The following TAX1BP1 variants were observed in gnomAD, a reference collection of about 807,000 sequenced individuals.
TAX1BP1 encodes the protein Tax1 binding protein 1.
In TAX1BP1, 62 loss-of-function variants were observed where a neutral mutation model predicts 97.7. The observed-to-expected ratio is 0.63, with a 90% CI of 0.52 to 0.78. TAX1BP1 has a LOEUF of 0.78. Among genes scored for constraint, TAX1BP1 ranks in the 30% least tolerant of loss-of-function variants. The pLI is 0.00. For missense variants in TAX1BP1, 867 were observed against 916.1 expected (o/e 0.95, Z 0.69); for synonymous variants, 340 against 304.2 (o/e 1.12, Z -1.23).
chr7:27,771,662 C>A (rs1384693780), intron 5 of TAX1BP1, among the ~76,000 whole-genome samples: 2 of 151,906 alleles, frequency 1.3e-5, no homozygotes, highest in Non-Finnish European at 2.9e-5. Context: ...ACATTGTGGC[C>A]TTGGTGCTCA....
At chr7:27,793,807 A>T (rs1380777465) in intron 10 of TAX1BP1, among the ~76,000 whole-genome samples, 1 of 152,202 alleles carries the variant, frequency 6.6e-6, no homozygotes, top group East Asian at 1.9e-4. Flanking sequence ...CTATCTGAGG[A>T]ACTCCTGGAA....
intron 3 of TAX1BP1, among the ~76,000 whole-genome samples, chr7:27,760,980 G>A (rs1788405934): frequency 6.6e-6 from 1 of 152,158 alleles, no homozygotes; most frequent in Non-Finnish European, 1.5e-5. Context: ...AGAAGTTTGG[G>A]AACCAGTGGC....
At chr7:27,810,701 T>A (rs901210996) in intron 13 of TAX1BP1, among the ~76,000 whole-genome samples, 2 of 152,128 alleles carry the variant, frequency 1.3e-5, no homozygotes, top group Non-Finnish European at 2.9e-5. Flanking sequence ...TATGTTGCTC[T>A]CTAACTCCTG....
chr7:27,807,207 A>G (rs1297667081), intron 13 of TAX1BP1, among the ~76,000 whole-genome samples: 1 of 152,194 alleles, frequency 6.6e-6, no homozygotes, highest in African/African-American at 2.4e-5. Context: ...CAGTCCCTGC[A>G]TATTGTATCC....
intron 12 of TAX1BP1, among the ~76,000 whole-genome samples, chr7:27,796,659 C>T (rs960864698): frequency 6.6e-6 from 1 of 152,028 alleles, no homozygotes; most frequent in Non-Finnish European, 1.5e-5. Context: ...GCCAGGAGTT[C>T]GAGACCAGTC....
chr7:27,786,941 A>C (rs1338322723), intron 7 of TAX1BP1, among the ~76,000 whole-genome samples: 1 of 152,252 alleles, frequency 6.6e-6, no homozygotes, highest in African/African-American at 2.4e-5. Context: ...GTTAGTCAAC[A>C]AATACATTTT....
chr7:27,803,114 A>T, intron 13 of TAX1BP1: 2 of 1,545,618 alleles, frequency 1.3e-6, no homozygotes, highest in African/African-American at 2.7e-5. Context: ...TTCAGCTTCA[A>T]TTGGCAGAGA....
chr7:27,810,424 G>T (rs1185841568), intron 13 of TAX1BP1, among the ~76,000 whole-genome samples: 2 of 151,984 alleles, frequency 1.3e-5, no homozygotes, highest in Admixed American at 1.3e-4. Context: ...AATTCTTTAG[G>T]GTTATTAGTG....
intron 4 of TAX1BP1, 123 bp from the exon 5 acceptor site, chr7:27,769,553 G>A: frequency 2.7e-6 from 2 of 733,370 alleles, no homozygotes; most frequent in Non-Finnish European, 4.4e-6. Context: ...AAAGTAGGTA[G>A]AATGTAAGAG....
intron 2 of TAX1BP1, among the ~76,000 whole-genome samples, chr7:27,756,272 A>G (rs756108985): frequency 6.6e-6 from 1 of 152,172 alleles, no homozygotes; most frequent in Non-Finnish European, 1.5e-5. Flanking sequence ...GTATCTTTCC[A>G]GGTTGAGAGA....
chr7:27,766,021 G>T lies in TAX1BP1; in HGVS notation c.453G>T (p.Glu151Asp). 4 of 1,612,938 alleles carry T rather than the reference G, an allele frequency of 2.5e-6. No homozygotes were observed. Among genetic ancestry groups the T allele is most frequent in the Non-Finnish European group, 3.4e-6 (4 of 1,179,514 alleles). Residue 151 changes from glutamate to aspartate, a missense_variant and splice_region_variant, in exon 4 of 17, where the codon GAG becomes GAT. By Grantham distance (45) the Glu-to-Asp change is conservative. Around this residue, in one of 3 missense-constraint regions of TAX1BP1, gnomAD observed 822 missense variants for 851.4 expected, o/e 0.97. Transcript: ENST00000396319. ...LVVTTKAGLL[E>D]LKIEKTMKEK... ...TGACCACAAAAGCAGGCCTTCTTGA[G>T]GTTGGTGTTCACAGTGAGATAGTGA...
At chr7:27,802,911 C>T (rs1790193576) in intron 13 of TAX1BP1, among the ~76,000 whole-genome samples, 1 of 151,842 alleles carries the variant, frequency 6.6e-6, no homozygotes, top group Non-Finnish European at 1.5e-5. Flanking sequence ...TCACATAAAC[C>T]AAAGGAATAG....
In TAX1BP1 at chr7:27,792,150, C is replaced by A; in HGVS notation, c.1183C>A (p.Arg395Ser). ...DRTMADLHTA[R>S]LENEKVKKQL... ...AACGATGGCAGACCTGCATACTGCACGCTTGGAAAACGAGAAAGTGAAAAA... is the reference window on the plus strand; with the variant it reads ...AACGATGGCAGACCTGCATACTGCAAGCTTGGAAAACGAGAAAGTGAAAAA... Residue 395 changes from arginine to serine, a missense_variant, in exon 9 of 17, where the codon CGC becomes AGC. Physicochemically the swap from Arg to Ser is moderately radical, Grantham distance 110 (BLOSUM62 -1). Transcript: ENST00000396319. 5 of 1,613,932 alleles carry A rather than the reference C, an allele frequency of 3.1e-6. No individual in the cohort carries two copies. The Admixed American group carries it at 8.3e-5, about 27-fold the overall frequency.
In TAX1BP1 at chr7:27,758,063, G is replaced by A. The variant is rs79805575; in HGVS notation, c.195G>A (p.Thr65=). ...VGWSTARDYY[T]FLWSPMPEHY... is the part of the protein sequence containing the mutation. ...GGAGTACTGCTCGTGATTATTACACGTTTTTATGGTCCCCTATGCCTGAAC... is the reference window on the plus strand; with the variant it reads ...GGAGTACTGCTCGTGATTATTACACATTTTTATGGTCCCCTATGCCTGAAC... The change falls in exon 3 of 17, where the codon ACG becomes ACA. Residue 65 remains threonine, a synonymous_variant. Coordinates refer to ENST00000396319, the MANE Select transcript of TAX1BP1 (RefSeq NM_006024.7). 1.4e-3 allele frequency: 2,274 copies of A among 1,611,712 alleles called. 12 individuals are homozygous for A. Among genetic ancestry groups the A allele is most frequent in the African/African-American group, 5.6e-3 (416 of 74,898 alleles).
chr7:27,740,622 A>C (rs1395505957), intron 1 of TAX1BP1, among the ~76,000 whole-genome samples: 2 of 152,068 alleles, frequency 1.3e-5, no homozygotes, highest in African/African-American at 4.8e-5. Context: ...CCCCGAAGGA[A>C]AAGCTTCTGG....
chr7:27,826,340 T>G (rs1791178285), intron 15 of TAX1BP1, among the ~76,000 whole-genome samples: 1 of 152,224 alleles, frequency 6.6e-6, no homozygotes, highest in Admixed American at 6.5e-5. Flanking sequence ...CTTCTTTTAC[T>G]TTTCAAGAGG....
intron 5 of TAX1BP1, among the ~76,000 whole-genome samples, chr7:27,776,510 A>T (rs1220505545): frequency 6.6e-6 from 1 of 152,054 alleles, no homozygotes; most frequent in Non-Finnish European, 1.5e-5. Flanking sequence ...ATTCAGTGTC[A>T]TTGGTATTTT....
At chr7:27,764,882 A>G (rs1788562940) in intron 3 of TAX1BP1, among the ~76,000 whole-genome samples, 3 of 149,596 alleles carry the variant, frequency 2.0e-5, no homozygotes, top group Non-Finnish European at 4.4e-5. Flanking sequence ...GAGCTTTTCA[A>G]GTGGGCTCCT....
chr7:27,785,033 T>C, intron 5 of TAX1BP1, 130 bp from the exon 6 acceptor site: 1 of 838,372 alleles, frequency 1.2e-6, no homozygotes. Flanking sequence ...TAGTCTTAGC[T>C]TCTCAAATTT....
Sources: allele counts gnomAD v4.1 joint callset (sites outside exome capture counted in the v4.1 genomes callset), GRCh38; gene constraint gnomAD v4.1.1; regional missense constraint gnomAD v4.1.1; transcripts MANE v1.5; gene names NCBI Gene and HGNC (gene_info 2026-07-23, HGNC 2026-07-21).